NIM1K: variants seen among roughly 807,000 people sequenced by gnomAD.
NIM1K encodes the protein NIM1 serine/threonine protein kinase, also known as serine/threonine-protein kinase NIM1.
In NIM1K, 35 loss-of-function variants were observed where a neutral mutation model predicts 37.1. That is an observed-to-expected ratio of 0.94 (90% CI 0.72 to 1.25). The LOEUF is 1.25. Ranked by LOEUF, NIM1K falls within the 50% of genes most tolerant of loss-of-function variation. The pLI is 0.00. For synonymous variants in NIM1K, 234 were observed against 206.6 expected (o/e 1.13, Z -1.14); for missense variants, 564 against 548.0 (o/e 1.03, Z -0.29).
chr5:43,268,504 A>G (rs1337065585), intron 2 of NIM1K, among the ~76,000 whole-genome samples: 2 of 152,074 alleles, frequency 1.3e-5, no homozygotes, highest in Non-Finnish European at 2.9e-5. Flanking sequence ...GGGCCACAGG[A>G]GTGGTTGGTG....
rs763749881 is a variant in NIM1K, at chr5:43,280,238, G to T, written c.820G>T (p.Glu274Ter). ...MVTGTMPFRA[E>*]TVAKLKKSIL... ...GACTGGCACCATGCCATTTCGGGCA[G>T]AAACCGTGGCCAAACTAAAAAAGAG... The change falls in exon 4 of 4, where the codon GAA becomes TAA. Residue 274 changes from glutamate (E) to a stop codon, truncating the protein, a stop_gained. Transcript: ENST00000326035. LOFTEE classifies it high-confidence loss of function. 6.2e-7 allele frequency: 1 copy of T among 1,614,178 alleles called. No homozygotes were observed.
At chr5:43,218,555 G>T (rs1752338244) in intron 1 of NIM1K, among the ~76,000 whole-genome samples, 1 of 151,984 alleles carries the variant, frequency 6.6e-6, no homozygotes, top group African/African-American at 2.4e-5. Flanking sequence ...AGAGGAGGAG[G>T]TGCCATGCTC....
chr5:43,234,928 C>T (rs947621809), intron 1 of NIM1K, among the ~76,000 whole-genome samples: 2 of 152,128 alleles, frequency 1.3e-5, no homozygotes, highest in Non-Finnish European at 2.9e-5. Flanking sequence ...AGCCACCATG[C>T]CCGGCCTATT....
At chr5:43,198,250 C>CT (rs1751963665) in intron 1 of NIM1K, among the ~76,000 whole-genome samples, 2 of 118,742 alleles carry the variant, frequency 1.7e-5, no homozygotes, top group African/African-American at 3.2e-5. Context: ...TCTTTCTTTT[C>CT]TTTCTTTCCT....
chr5:43,232,785 G>A (rs1488095421), intron 1 of NIM1K: 4 of 1,082,380 alleles, frequency 3.7e-6, no homozygotes, highest in Non-Finnish European at 5.6e-6. Context: ...GGCGATCCAT[G>A]CACTGTTCAG....
chr5:43,274,416 A>G (rs1198757803), intron 2 of NIM1K, among the ~76,000 whole-genome samples: 1 of 152,158 alleles, frequency 6.6e-6, no homozygotes, highest in Non-Finnish European at 1.5e-5. Flanking sequence ...ACTGAGGAGA[A>G]GCAGTGGGTT....
In NIM1K at chr5:43,277,141, A is replaced by G. The variant is rs762987138; in HGVS notation, c.377A>G (p.Glu126Gly). The G allele has an allele frequency of 1.2e-6, 2 of 1,614,180 alleles. No homozygotes were observed. Among genetic ancestry groups the G allele is most frequent in the Non-Finnish European group, 1.7e-6 (2 of 1,180,002 alleles). ...RLLSREISSM[E>G]KLHHPNIIRL... ...CTATCCCGAGAAATCTCCAGCATGG[A>G]AAAGCTGCACCATCCCAACATCATC... The change falls in exon 3 of 4, where the codon GAA (glutamate) becomes GGA (glycine). Residue 126 changes from glutamate to glycine, a missense_variant. Glu to Gly is a moderately conservative substitution (Grantham distance 98). Coordinates refer to ENST00000326035, the MANE Select transcript of NIM1K (RefSeq NM_153361.4).
At chr5:43,244,853 A>G (rs542229165) in intron 1 of NIM1K, among the ~76,000 whole-genome samples, 17 of 152,338 alleles carry the variant, frequency 1.1e-4, no homozygotes, top group South Asian at 4.1e-4. Flanking sequence ...TTGTTTTGCT[A>G]GAAATATGTA....
intron 1 of NIM1K, among the ~76,000 whole-genome samples, chr5:43,204,364 G>A (rs896318477): frequency 2.6e-5 from 4 of 151,024 alleles, no homozygotes; most frequent in African/African-American, 7.3e-5. Context: ...GATTACAGGC[G>A]TGAGCCACCA....
At chr5:43,228,405 CAA>C (rs908033033) in intron 1 of NIM1K, among the ~76,000 whole-genome samples, 29 of 152,252 alleles carry the variant, frequency 1.9e-4, no homozygotes, top group African/African-American at 6.5e-4. Flanking sequence ...CTCAGCCTCC[CAA>C]AGTCTTGGGA....
chr5:43,278,729 C>A (rs533778133), intron 3 of NIM1K, among the ~76,000 whole-genome samples: 1 of 152,298 alleles, frequency 6.6e-6, no homozygotes, highest in South Asian at 2.1e-4. Flanking sequence ...ATAAAACAGT[C>A]CATGCTAGCA....
intron 2 of NIM1K, among the ~76,000 whole-genome samples, chr5:43,259,022 T>C (rs185766671): frequency 1.1e-3 from 162 of 149,200 alleles, no homozygotes; most frequent in Non-Finnish European, 1.8e-3. Context: ...TGATTTTCCA[T>C]TCCTGAGTTA....
chr5:43,280,130 G>T lies in NIM1K; in HGVS notation c.712G>T (p.Ala238Ser). The part of the protein sequence containing the change: ...NTFCGSPPYA[A>S]PELFRDEHYI... The stretch of plus-strand genomic sequence containing the variant: ...TTTCTGTGGGTCTCCTCCCTACGCT[G>T]CGCCTGAACTCTTCCGGGACGAGCA... The change falls in exon 4 of 4, where the codon GCG becomes TCG. Residue 238 changes from alanine to serine, a missense_variant. By Grantham distance (99) the Ala-to-Ser change is moderately conservative (BLOSUM62 1). Transcript: ENST00000326035. The T allele has an allele frequency of 6.2e-7, 1 of 1,614,190 alleles. No homozygotes were observed.
At chr5:43,274,850 G>A (rs149832954) in intron 2 of NIM1K, among the ~76,000 whole-genome samples, 272 of 152,312 alleles carry the variant, frequency 1.8e-3, no homozygotes, top group African/African-American at 6.4e-3. Flanking sequence ...AATAGTCCCA[G>A]TGCTAAAGTT....
chr5:43,210,118 G>T (rs1019093644), intron 1 of NIM1K, among the ~76,000 whole-genome samples: 1 of 151,828 alleles, frequency 6.6e-6, no homozygotes, highest in African/African-American at 2.4e-5. Context: ...CAGAGGAAAA[G>T]CTGAATTCCG....
intron 1 of NIM1K, among the ~76,000 whole-genome samples, chr5:43,244,730 A>G (rs1441906997): frequency 6.6e-6 from 1 of 152,310 alleles, no homozygotes; most frequent in South Asian, 2.1e-4. Context: ...AATTTTGAAA[A>G]CCATTAGTAA....
chr5:43,216,577 G>A (rs1752302964), intron 1 of NIM1K, among the ~76,000 whole-genome samples: 1 of 152,214 alleles, frequency 6.6e-6, no homozygotes, highest in Admixed American at 6.6e-5. Flanking sequence ...GGTAACTGCG[G>A]ACAAGTCATG....
intron 1 of NIM1K, chr5:43,207,394 G>T (rs925785246): frequency 2.3e-6 from 2 of 854,652 alleles, no homozygotes; most frequent in African/African-American, 1.7e-5. Context: ...TGCGAAAAAC[G>T]TGTGGCGATG....
intron 1 of NIM1K, among the ~76,000 whole-genome samples, chr5:43,228,177 C>T (rs1419120047): frequency 2.0e-5 from 3 of 150,988 alleles, no homozygotes; most frequent in Admixed American, 6.6e-5. Flanking sequence ...CTTGGAGTCT[C>T]GCTCTGTCGC....
Sources: gnomAD v4.1 joint callset for allele counts (sites outside exome capture counted in the v4.1 genomes callset) on GRCh38, gnomAD v4.1.1 for gene constraint, MANE v1.5 for transcripts, NCBI Gene and HGNC (gene_info 2026-07-23, HGNC 2026-07-21) for gene names.